The following RNF111 variants were observed in gnomAD, a reference collection of about 807,000 sequenced individuals.
The protein encoded by RNF111 is ring finger protein 111, also known as E3 ubiquitin-protein ligase Arkadia.
Under a neutral mutation model 95.1 loss-of-function variants are expected in RNF111, and 17 were observed. That is an observed-to-expected ratio of 0.18 (90% CI 0.12 to 0.27). RNF111 has a LOEUF of 0.27. Among genes scored for constraint, RNF111 ranks in the 10% least tolerant of loss-of-function variants. RNF111 has a pLI of 1.00. For synonymous variants in RNF111, 440 were observed against 414.8 expected (o/e 1.06, Z -0.74); for missense variants, 1,189 against 1,210.4 (o/e 0.98, Z 0.26).
intron 1 of RNF111, among the ~76,000 whole-genome samples, chr15:59,019,075 C>T (rs1278390609): frequency 1.3e-5 from 2 of 151,344 alleles, no homozygotes; most frequent in African/African-American, 2.4e-5. Flanking sequence ...AGGCACGTGC[C>T]ACCACCCTGG....
At chr15:59,079,379 T>C (rs565634961) in intron 7 of RNF111, among the ~76,000 whole-genome samples, 1 of 152,208 alleles carries the variant, frequency 6.6e-6, no homozygotes, top group Non-Finnish European at 1.5e-5. Flanking sequence ...AAGCATTGAT[T>C]TGAAAACAGA....
chr15:59,085,475 A>T, intron 9 of RNF111, 184 bp from the exon 10 acceptor site: 1 of 408,878 alleles, frequency 2.4e-6, no homozygotes, highest in Non-Finnish European at 4.0e-6. Context: ...TTAAGTTTTT[A>T]GAGCTTTCAG....
intron 7 of RNF111, among the ~76,000 whole-genome samples, chr15:59,076,520 T>TG (rs1300863275): frequency 1.4e-4 from 22 of 152,166 alleles, no homozygotes; most frequent in African/African-American, 4.8e-4. Flanking sequence ...CAGCAAGCTT[T>TG]GGGAGTTGTA....
At chr15:59,073,588 A>G (rs2043039091) in intron 6 of RNF111, among the ~76,000 whole-genome samples, 2 of 152,192 alleles carry the variant, frequency 1.3e-5, no homozygotes, top group South Asian at 4.1e-4. Flanking sequence ...TCAGGTTCCA[A>G]CTTCTTATTC....
At chr15:59,074,266 A>G (rs1411242686) in intron 6 of RNF111, among the ~76,000 whole-genome samples, 1 of 152,212 alleles carries the variant, frequency 6.6e-6, no homozygotes, top group African/African-American at 2.4e-5. Context: ...CCCTAACAAG[A>G]ATCATCCAGT....
At chr15:59,039,112 G>T (rs138453929) in intron 2 of RNF111, among the ~76,000 whole-genome samples, 2 of 151,896 alleles carry the variant, frequency 1.3e-5, no homozygotes, top group Non-Finnish European at 2.9e-5. Context: ...TTACAGGCAC[G>T]TGCCACCATA....
chr15:59,069,856 T>C (rs1291883973), intron 6 of RNF111, among the ~76,000 whole-genome samples: 1 of 151,958 alleles, frequency 6.6e-6, no homozygotes, highest in East Asian at 1.9e-4. Context: ...TTTGTAGATA[T>C]CTTATGTTTG....
chr15:58,989,603 C>G (rs1454334435), intron 1 of RNF111, among the ~76,000 whole-genome samples: 1 of 152,158 alleles, frequency 6.6e-6, no homozygotes, highest in African/African-American at 2.4e-5. Flanking sequence ...AGACATAGAA[C>G]TGGTTTTTAA....
At chr15:59,024,468 G>A (rs2040502737) in intron 1 of RNF111, among the ~76,000 whole-genome samples, 1 of 152,204 alleles carries the variant, frequency 6.6e-6, no homozygotes, top group African/African-American at 2.4e-5. Context: ...TTTTCAGCAA[G>A]TACTTTAAGA....
intron 4 of RNF111, among the ~76,000 whole-genome samples, chr15:59,057,548 A>G (rs757841784): frequency 2.6e-5 from 4 of 152,160 alleles, no homozygotes; most frequent in Admixed American, 6.5e-5. Context: ...ACCGTTCTCA[A>G]TTTTAAGCAA....
At chr15:59,047,895 A>G (rs527490400) in intron 2 of RNF111, among the ~76,000 whole-genome samples, 3 of 152,196 alleles carry the variant, frequency 2.0e-5, no homozygotes, top group Non-Finnish European at 4.4e-5. Flanking sequence ...AGAAATGGTT[A>G]TTAAAACCAC....
intron 1 of RNF111, among the ~76,000 whole-genome samples, chr15:59,028,073 C>T (rs995544460): frequency 3.3e-5 from 5 of 152,062 alleles, no homozygotes; most frequent in East Asian, 1.9e-4. Context: ...GTGATCTGCC[C>T]GCCTCGGCCT....
Position 58,996,419 on chromosome 15 carries a change from C to CA in RNF111, c.-20+8363dup, listed in dbSNP as rs537680130. On this transcript the variant is annotated intron_variant, in intron 1 of 13. Transcript: ENST00000348370. ...GAAACCCTGTCTCAACTGAAAAATG[C>CA]AAAAAAAAAAAAGTAGCCAAGTGGG... Among the ~76,000 whole-genome samples, 158 of 139,424 alleles carry CA rather than the reference C, an allele frequency of 1.1e-3. No homozygotes were observed. In the South Asian group the frequency reaches 0.011, roughly 10 times the overall value. The allele number at this position is 139,424 out of a possible 152,430, so 91.5% of individuals were successfully genotyped here.
At chr15:59,087,488 C>T (rs1299481112) in intron 10 of RNF111, among the ~76,000 whole-genome samples, 1 of 152,076 alleles carries the variant, frequency 6.6e-6, no homozygotes, top group Non-Finnish European at 1.5e-5. Flanking sequence ...GGAAGCCTTA[C>T]TGCTAAAATA....
intron 1 of RNF111, among the ~76,000 whole-genome samples, chr15:59,006,950 T>G (rs1315494427): frequency 1.3e-5 from 2 of 152,150 alleles, no homozygotes; most frequent in East Asian, 3.9e-4. Flanking sequence ...CACGCCCAGC[T>G]AATTTTTTTG....
At chr15:59,094,665 G>C in intron 13 of RNF111, 118 bp from the exon 14 acceptor site, 1 of 629,908 alleles carries the variant, frequency 1.6e-6, no homozygotes, top group Non-Finnish European at 2.8e-6. Context: ...GTTTTTTATA[G>C]AAGAGGAAGA....
chr15:59,001,395 CT>C (rs2039318040), intron 1 of RNF111, among the ~76,000 whole-genome samples: 1 of 152,080 alleles, frequency 6.6e-6, no homozygotes, highest in Admixed American at 6.5e-5. Context: ...GCCATCTCTA[CT>C]TTGCCTGCTA....
chr15:59,055,982 G>A (rs559736637), intron 4 of RNF111, 137 bp downstream of exon 4: 14 of 642,970 alleles, frequency 2.2e-5, no homozygotes, highest in African/African-American at 9.4e-5. Flanking sequence ...TTTTAATCTC[G>A]TTTTTAATTG....
intron 1 of RNF111, among the ~76,000 whole-genome samples, chr15:59,018,953 A>G (rs2141627622): frequency 6.6e-6 from 1 of 151,880 alleles, no homozygotes; most frequent in South Asian, 2.1e-4. Context: ...AGACAGCGCC[A>G]TGCTCTGTCG....
Sources: gnomAD v4.1 joint callset for allele counts (sites outside exome capture counted in the v4.1 genomes callset) on GRCh38, gnomAD v4.1.1 for gene constraint, MANE v1.5 for transcripts, NCBI Gene and HGNC (gene_info 2026-07-23, HGNC 2026-07-21) for gene names.